Variants in CYP7B1 observed in about 807,000 individuals in gnomAD.
CYP7B1 encodes cytochrome P450 family 7 subfamily B member 1, also known as cytochrome P450 7B1.
Under a neutral mutation model 42.7 loss-of-function variants are expected in CYP7B1, and 29 were observed. That is an observed-to-expected ratio of 0.68 (90% CI 0.51 to 0.93). The LOEUF (loss-of-function observed/expected upper bound fraction) is 0.93, where lower values mean the gene tolerates loss of function less well. Ranked by LOEUF, CYP7B1 falls within the 40% of genes least tolerant of loss-of-function variation. The probability of loss-of-function intolerance (pLI) is 0.00; values close to 1 mark genes in which losing one functional copy is unlikely to be tolerated. For missense variants in CYP7B1, 655 were observed against 600.5 expected (o/e 1.09, Z -0.95); for synonymous variants, 235 against 218.2 (o/e 1.08, Z -0.68).
At chr8:64,631,950 C>A (rs977057410) in intron 1 of CYP7B1, among the ~76,000 whole-genome samples, 1 of 152,032 alleles carries the variant, frequency 6.6e-6, no homozygotes, top group East Asian at 1.9e-4. Context: ...AAGTGAGAAC[C>A]CTTGTACACT....
chr8:64,785,573 G>A (rs1322649575), intron 1 of CYP7B1, among the ~76,000 whole-genome samples: 1 of 152,084 alleles, frequency 6.6e-6, no homozygotes, highest in Non-Finnish European at 1.5e-5. Flanking sequence ...AAACCTTAAA[G>A]GCATATTGCT....
intron 1 of CYP7B1, among the ~76,000 whole-genome samples, chr8:64,796,762 A>G (rs1804708483): frequency 6.6e-6 from 1 of 152,210 alleles, no homozygotes; most frequent in Non-Finnish European, 1.5e-5. Context: ...TGGAAAATAT[A>G]AGGTGCAACA....
At chr8:64,769,429 A>C (rs191008034) in intron 1 of CYP7B1, among the ~76,000 whole-genome samples, 2 of 152,306 alleles carry the variant, frequency 1.3e-5, no homozygotes, top group Admixed American at 1.3e-4. Flanking sequence ...AAAAAAATAA[A>C]GTCTATAAAA....
intron 1 of CYP7B1, among the ~76,000 whole-genome samples, chr8:64,698,897 T>C (rs936317456): frequency 2.6e-5 from 4 of 152,320 alleles, no homozygotes; most frequent in Admixed American, 1.3e-4. Flanking sequence ...ATTAGAAATT[T>C]AAAGGATTTT....
chr8:64,714,780 A>ATT lies in CYP7B1; in HGVS notation c.122+83684_122+83685dup, dbSNP rs34802379. Among the ~76,000 whole-genome samples, 13 of 151,824 alleles carry ATT rather than the reference A, an allele frequency of 8.6e-5. 1 individual carries two copies. Among genetic ancestry groups the ATT allele is most frequent in the South Asian group, 4.2e-4 (2 of 4,814 alleles). On this transcript the variant is annotated intron_variant, in intron 1 of 5. Coordinates refer to ENST00000310193, the MANE Select transcript of CYP7B1 (RefSeq NM_004820.5). ...AATGACTGCACACAATGATGGTGAG[A>ATT]TTTTTTTTTAAAGGTAAAGAAAATC...
chr8:64,759,406 CTCTAAATATCT>C (rs1807853947), intron 1 of CYP7B1, among the ~76,000 whole-genome samples: 1 of 152,178 alleles, frequency 6.6e-6, no homozygotes, highest in African/African-American at 2.4e-5. Context: ...TTACTTAAAT[CTCTAAATATCT>C]ATACTTCTCA....
At chr8:64,706,193 G>T (rs1563398999) in intron 1 of CYP7B1, among the ~76,000 whole-genome samples, 1 of 151,982 alleles carries the variant, frequency 6.6e-6, no homozygotes, top group Non-Finnish European at 1.5e-5. Context: ...TGAGATAAAA[G>T]GATACCTCTA....
At chr8:64,716,382 C>A (rs1357958411) in intron 1 of CYP7B1, among the ~76,000 whole-genome samples, 3 of 152,136 alleles carry the variant, frequency 2.0e-5, no homozygotes, top group African/African-American at 7.2e-5. Context: ...TATCCCTAAA[C>A]ATTTATGGAA....
At chr8:64,765,764 T>C (rs1455343849) in intron 1 of CYP7B1, among the ~76,000 whole-genome samples, 1 of 152,166 alleles carries the variant, frequency 6.6e-6, no homozygotes, top group African/African-American at 2.4e-5. Context: ...TTTTTCCAGA[T>C]GGGAAATGTT....
chr8:64,766,516 TA>T lies in CYP7B1; in HGVS notation c.122+31949del, dbSNP rs796511928. Among the ~76,000 whole-genome samples, 796 of 139,206 alleles carry T rather than the reference TA, an allele frequency of 5.7e-3. 3 individuals carry two copies. The highest frequency in any genetic ancestry group is 7.4e-3 in the African/African-American group (281 of 38,100). 91.3% of individuals were successfully genotyped at this position (139,206 alleles called of 152,430 possible). ...GCAGGCGGAACGGGACAAACGGGAT[TA>T]AAAAAAAAAAAAGGCCACTGCTTTA... On this transcript the variant is annotated intron_variant, in intron 1 of 5. Transcript: ENST00000310193.
At chr8:64,611,273 C>A (rs1805359115) in intron 4 of CYP7B1, among the ~76,000 whole-genome samples, 3 of 152,114 alleles carry the variant, frequency 2.0e-5, no homozygotes, top group Admixed American at 2.0e-4. Context: ...TTAATCACCT[C>A]CATGATCTTA....
intron 1 of CYP7B1, among the ~76,000 whole-genome samples, chr8:64,679,032 C>T (rs529006881): frequency 3.3e-5 from 5 of 151,998 alleles, no homozygotes; most frequent in South Asian, 4.2e-4. Context: ...AGTCCTTGTA[C>T]GTTTTGAGTT....
At chr8:64,704,563 GT>G (rs1247185612) in intron 1 of CYP7B1, among the ~76,000 whole-genome samples, 1 of 151,996 alleles carries the variant, frequency 6.6e-6, no homozygotes, top group East Asian at 1.9e-4. Context: ...TAGCACATTT[GT>G]TTTTTACATC....
At chr8:64,612,267 T>C (rs1805374400) in intron 4 of CYP7B1, among the ~76,000 whole-genome samples, 1 of 152,036 alleles carries the variant, frequency 6.6e-6, no homozygotes, top group South Asian at 2.1e-4. Context: ...TATCAGCAAT[T>C]TTTTTCCTAT....
intron 1 of CYP7B1, among the ~76,000 whole-genome samples, chr8:64,629,657 TTGAC>T (rs1410049687): frequency 1.3e-5 from 2 of 152,212 alleles, no homozygotes; most frequent in Non-Finnish European, 2.9e-5. Flanking sequence ...TTACCGTTCT[TTGAC>T]TTACTTTGGC....
intron 1 of CYP7B1, among the ~76,000 whole-genome samples, chr8:64,697,111 A>C (rs1382916355): frequency 6.6e-6 from 1 of 152,176 alleles, no homozygotes; most frequent in East Asian, 1.9e-4. Flanking sequence ...GAAACTGCCA[A>C]TCTGTTTGGA....
At position 64,648,281 on chromosome 8, in the gene CYP7B1, T is replaced by A. The variant is rs1427308272; in HGVS notation, c.123-23742A>T. 2.0e-5 allele frequency among the ~76,000 whole-genome samples: 3 copies of A among 152,232 alleles called. No individual in the cohort carries two copies. In the East Asian group the frequency reaches 5.8e-4, roughly 29 times the overall value. On this transcript the variant is annotated intron_variant, in intron 1 of 5. Transcript: ENST00000310193. ...ATCTGTATTTCATTATTCCTTGTCATAATTCGCCATTGAATTTAACCCTAG... is the reference window on the plus strand; with the variant it reads ...ATCTGTATTTCATTATTCCTTGTCAAAATTCGCCATTGAATTTAACCCTAG...
At chr8:64,664,763 T>C (rs1806250537) in intron 1 of CYP7B1, among the ~76,000 whole-genome samples, 1 of 152,122 alleles carries the variant, frequency 6.6e-6, no homozygotes, top group African/African-American at 2.4e-5. Flanking sequence ...TTAATAAGAG[T>C]TATCTTTGTG....
At chr8:64,765,557 G>A (rs1192640683) in intron 1 of CYP7B1, among the ~76,000 whole-genome samples, 1 of 152,200 alleles carries the variant, frequency 6.6e-6, no homozygotes, top group African/African-American at 2.4e-5. Flanking sequence ...CAGCAGCCCG[G>A]ACCCCTTTTT....
Sources: allele counts gnomAD v4.1 joint callset (sites outside exome capture counted in the v4.1 genomes callset), GRCh38; gene constraint gnomAD v4.1.1; transcripts MANE v1.5; gene names NCBI Gene and HGNC (gene_info 2026-07-23, HGNC 2026-07-21).